BAIAP2: variants seen among roughly 807,000 people sequenced by gnomAD.
BAIAP2 encodes BAR/IMD domain containing adaptor protein 2, also known as BAR/IMD domain-containing adapter protein 2.
BAIAP2 carries 18 observed loss-of-function variants against 63.0 expected under a neutral mutation model. The observed-to-expected ratio is 0.29, with a 90% CI of 0.20 to 0.42. The LOEUF (loss-of-function observed/expected upper bound fraction) is 0.42, where lower values mean the gene tolerates loss of function less well. Ranked by LOEUF, BAIAP2 falls within the 10% of genes least tolerant of loss-of-function variation. BAIAP2 has a pLI of 1.00. For synonymous variants in BAIAP2, 386 were observed against 307.6 expected, an observed-to-expected ratio of 1.25 and a Z score of -2.67; for missense variants, 610 against 734.3, an observed-to-expected ratio of 0.83 and a Z score of 1.96.
At chr17:81,106,244 C>G (rs76185111) in intron 11 of BAIAP2, 98 bp downstream of exon 11, 1 of 1,296,034 alleles carries the variant, frequency 7.7e-7, no homozygotes, top group Non-Finnish European at 1.1e-6. Context: ...GCTGGGCTTC[C>G]GGCTCCTTGT....
chr17:81,086,410 C>T (rs2145332073), intron 5 of BAIAP2, 33 bp from the exon 6 acceptor site: 3 of 1,610,614 alleles, frequency 1.9e-6, no homozygotes, highest in Non-Finnish European at 2.5e-6. Context: ...GGTTCATGGG[C>T]CTTGGTTTTG....
chr17:81,053,274 G>C, intron 1 of BAIAP2: 1 of 197,284 alleles, frequency 5.1e-6, no homozygotes, highest in Non-Finnish European at 1.0e-5. Flanking sequence ...GTCGTTGAGC[G>C]ATTGTGTATG....
intron 7 of BAIAP2, among the ~76,000 whole-genome samples, chr17:81,100,647 C>T (rs1374310848): frequency 6.6e-6 from 1 of 152,180 alleles, no homozygotes. Context: ...AACCATGACA[C>T]TGGCCCCAGG....
At chr17:81,039,998 A>C (rs953252159) in intron 1 of BAIAP2, among the ~76,000 whole-genome samples, 9 of 151,942 alleles carry the variant, frequency 5.9e-5, no homozygotes, top group African/African-American at 2.2e-4. Flanking sequence ...GGTGGTGAGC[A>C]GAGCTGGACA....
At chr17:81,113,305 C>T (rs577458314) in intron 13 of BAIAP2, among the ~76,000 whole-genome samples, 2 of 152,174 alleles carry the variant, frequency 1.3e-5, no homozygotes, top group Non-Finnish European at 2.9e-5. Context: ...TTGGGTAGTT[C>T]GTGGCAATCG....
chr17:81,052,969 ACAGT>A (rs1264386692), intron 1 of BAIAP2, among the ~76,000 whole-genome samples: 1 of 152,128 alleles, frequency 6.6e-6, no homozygotes, highest in African/African-American at 2.4e-5. Flanking sequence ...CTGGCTGTTG[ACAGT>A]CAGTGTATGT....
chr17:81,079,114 C>T (rs772566085), intron 3 of BAIAP2, among the ~76,000 whole-genome samples: 2 of 152,184 alleles, frequency 1.3e-5, no homozygotes, highest in Non-Finnish European at 2.9e-5. Flanking sequence ...AGAACCAACC[C>T]GAGGACAGAA....
intron 6 of BAIAP2, among the ~76,000 whole-genome samples, chr17:81,089,739 G>A (rs1239518523): frequency 6.6e-6 from 1 of 152,202 alleles, no homozygotes; most frequent in African/African-American, 2.4e-5. Context: ...TCCCATCTGT[G>A]GCTGCTAGTT....
intron 12 of BAIAP2, 112 bp from the exon 13 acceptor site, chr17:81,108,363 G>T: frequency 8.1e-7 from 1 of 1,233,546 alleles, no homozygotes; most frequent in East Asian, 2.4e-5. Flanking sequence ...AAAGGAACAC[G>T]GTTTGAACCT....
rs1036878372 is a variant in BAIAP2 at position 81,115,999 on chromosome 17, T to C, written c.*160T>C. On this transcript the variant is annotated 3_prime_UTR_variant, in exon 14 of 14. Transcript: ENST00000428708. ...GGCCTGGACTGGATCCCAGCTGTTC[T>C]AGGCAGGGCCGGGCAGAGTGGGGCG... The C allele has an allele frequency of 1.4e-5, 21 of 1,474,822 alleles. No individual in the cohort carries two copies. Among genetic ancestry groups the C allele is most frequent in the African/African-American group, 2.8e-5 (2 of 71,492 alleles). The allele number at this position is 1,474,822 out of a possible 1,614,324, so 91.4% of individuals were successfully genotyped here.
chr17:81,108,517 G>C lies in BAIAP2; in HGVS notation c.1535+8G>C. ...AGCGCGGTCCATGAGCAGGTAAGGG[G>C]ACTTTCAGACCTGTCTTTGGGACCG... On this transcript the variant is annotated splice_region_variant and intron_variant, in intron 13 of 13. Coordinates refer to ENST00000428708, the MANE Select transcript of BAIAP2 (RefSeq NM_001144888.2). 6.2e-7 allele frequency: 1 copy of C among 1,613,892 alleles called. No individual in the cohort carries two copies. The highest frequency in any genetic ancestry group is 8.5e-7 in the Non-Finnish European group (1 of 1,180,016).
Position 81,059,133 on chromosome 17 carries a change from C to CT in BAIAP2, c.217+1166_217+1167insT, listed in dbSNP as rs1164879330. Among the ~76,000 whole-genome samples the CT allele has an allele frequency of 2.7e-3, 416 of 152,236 alleles. 2 individuals are homozygous for CT. The highest frequency in any genetic ancestry group is 9.6e-3 in the African/African-American group (400 of 41,540). The stretch of plus-strand genomic sequence containing the variant: ...CGGACCCTCATCGGAGCCCCCCCCC[C>CT]ACGCCCCCACAGGCTGCTGCCTTGG... On this transcript the variant is annotated intron_variant, in intron 3 of 13. Coordinates refer to ENST00000428708, the MANE Select transcript of BAIAP2 (RefSeq NM_001144888.2).
chr17:81,109,369 TC>T (rs1598834402), intron 13 of BAIAP2: 1 of 572,716 alleles, frequency 1.7e-6, no homozygotes, highest in Non-Finnish European at 1.9e-6. Context: ...AAAAGAAAAA[TC>T]TTAAAAAAAA....
chr17:81,040,910 G>A (rs1018161567), intron 1 of BAIAP2, among the ~76,000 whole-genome samples: 1 of 152,234 alleles, frequency 6.6e-6, no homozygotes, highest in African/African-American at 2.4e-5. Context: ...CAGGGAGCAA[G>A]AGTGGAGGAG....
At chr17:81,040,546 C>T (rs2046938773) in intron 1 of BAIAP2, among the ~76,000 whole-genome samples, 1 of 152,272 alleles carries the variant, frequency 6.6e-6, no homozygotes, top group Non-Finnish European at 1.5e-5. Flanking sequence ...TCTGTCCTGC[C>T]CACGGATTCC....
intron 13 of BAIAP2, chr17:81,108,732 GC>G: frequency 2.3e-6 from 2 of 863,404 alleles, no homozygotes. Flanking sequence ...CATCTGGCCG[GC>G]CCCATCCATC....
chr17:81,101,399 G>T (rs2058463147), intron 7 of BAIAP2, among the ~76,000 whole-genome samples: 1 of 152,178 alleles, frequency 6.6e-6, no homozygotes, highest in Non-Finnish European at 1.5e-5. Flanking sequence ...GAACAGGCAG[G>T]GCCAGCAGGC....
intron 13 of BAIAP2, chr17:81,110,953 A>G (rs765565659): frequency 1.2e-6 from 2 of 1,613,334 alleles, no homozygotes; most frequent in East Asian, 2.2e-5. Context: ...CCGCCTGACT[A>G]GAGTTAGTAA....
intron 13 of BAIAP2, among the ~76,000 whole-genome samples, chr17:81,113,378 G>A (rs1242415625): frequency 6.6e-6 from 1 of 152,248 alleles, no homozygotes; most frequent in East Asian, 1.9e-4. Flanking sequence ...AGGGACCAAT[G>A]TCTGTGGCTA....
Sources: allele counts gnomAD v4.1 joint callset (sites outside exome capture counted in the v4.1 genomes callset), GRCh38; gene constraint gnomAD v4.1.1; transcripts MANE v1.5; gene names NCBI Gene and HGNC (gene_info 2026-07-23, HGNC 2026-07-21).